BMAL2: variants seen among roughly 807,000 people sequenced by gnomAD.
BMAL2 encodes the protein basic helix-loop-helix ARNT like 2.
chr12:27,403,225 A>G, the BMAL2 span, among the ~76,000 whole-genome samples: 1 of 152,236 alleles, frequency 6.6e-6, no homozygotes, highest in Non-Finnish European at 1.5e-5. Flanking sequence ...ACTGGAGTCA[A>G]GGGTTACTAG....
At chr12:27,411,200 T>TC in the BMAL2 span, among the ~76,000 whole-genome samples, 1 of 152,084 alleles carries the variant, frequency 6.6e-6, no homozygotes, top group Non-Finnish European at 1.5e-5. Flanking sequence ...CGATCATGGC[T>TC]CACTGCAGCC....
the BMAL2 span, chr12:27,402,490 A>G: frequency 6.9e-5 from 47 of 684,012 alleles, 1 homozygote; most frequent in South Asian, 9.9e-4. Flanking sequence ...TGGTGATACT[A>G]ACAATATGTG....
chr12:27,333,271 C>T, the BMAL2 span: 10 of 656,044 alleles, frequency 1.5e-5, no homozygotes, highest in Admixed American at 4.9e-5. Context: ...ACAAGGCCGC[C>T]CCGTGGGGCA....
the BMAL2 span, chr12:27,418,236 C>T: frequency 7.6e-7 from 1 of 1,324,068 alleles, no homozygotes; most frequent in Non-Finnish European, 1.1e-6. Flanking sequence ...TTTCGTTTAT[C>T]AAAACCCCCC....
At chr12:27,361,020 A>G in the BMAL2 span, among the ~76,000 whole-genome samples, 1 of 152,166 alleles carries the variant, frequency 6.6e-6, no homozygotes, top group Non-Finnish European at 1.5e-5. Flanking sequence ...ATAGCACACT[A>G]TTGGCTACGA....
the BMAL2 span, chr12:27,401,395 G>A: frequency 1.3e-6 from 2 of 1,578,002 alleles, no homozygotes; most frequent in African/African-American, 1.3e-5. Context: ...TACATTTTGG[G>A]GAATTTAAAA....
At chr12:27,357,372 C>A in the BMAL2 span, among the ~76,000 whole-genome samples, 1 of 152,168 alleles carries the variant, frequency 6.6e-6, no homozygotes, top group African/African-American at 2.4e-5. Flanking sequence ...ATAAATGACA[C>A]TGACAAATGG....
the BMAL2 span, among the ~76,000 whole-genome samples, chr12:27,413,916 A>G: frequency 5.3e-5 from 8 of 152,260 alleles, no homozygotes; most frequent in East Asian, 1.5e-3. Context: ...CACCGGTAGT[A>G]CCAGCCATTT....
At chr12:27,370,084 C>G in the BMAL2 span, 1 of 1,447,210 alleles carries the variant, frequency 6.9e-7, no homozygotes, top group East Asian at 2.3e-5. Context: ...TGTCCATTCC[C>G]AGAACATCTG....
chr12:27,347,837 C>T, the BMAL2 span, among the ~76,000 whole-genome samples: 2 of 152,148 alleles, frequency 1.3e-5, no homozygotes, highest in African/African-American at 4.8e-5. Context: ...TTTAAGGCAA[C>T]CTTTAGTACA....
chr12:27,415,898 C>G, the BMAL2 span: 1 of 1,607,868 alleles, frequency 6.2e-7, no homozygotes, highest in South Asian at 1.1e-5. Context: ...CTTGATGATT[C>G]GAGTCCAACA....
At chr12:27,349,081 G>A in the BMAL2 span, among the ~76,000 whole-genome samples, 1 of 152,146 alleles carries the variant, frequency 6.6e-6, no homozygotes, top group Non-Finnish European at 1.5e-5. Context: ...TCCAGGCGAG[G>A]AGAATCAGAG....
At chr12:27,412,696 A>AAC in the BMAL2 span, among the ~76,000 whole-genome samples, 2,802 of 149,968 alleles carry the variant, frequency 0.019, 30 homozygotes, top group Non-Finnish European at 0.021. Context: ...TTAAAAACAA[A>AAC]ACACACACAC....
chr12:27,404,168 G>A, the BMAL2 span, among the ~76,000 whole-genome samples: 3 of 123,818 alleles, frequency 2.4e-5, no homozygotes, highest in Non-Finnish European at 4.8e-5. Flanking sequence ...CTAGGCAAAA[G>A]AGCAAGACCC....
the BMAL2 span, chr12:27,420,490 G>C: frequency 6.2e-7 from 1 of 1,612,930 alleles, no homozygotes; most frequent in Non-Finnish European, 8.5e-7. Context: ...AGGGGGGCCT[G>C]GGAGACCCTG....
the BMAL2 span, among the ~76,000 whole-genome samples, chr12:27,375,814 A>G: frequency 1.3e-5 from 2 of 152,238 alleles, no homozygotes; most frequent in Non-Finnish European, 2.9e-5. Context: ...TTCTGATGCT[A>G]GGAACTATAC....
chr12:27,401,266 G>A, the BMAL2 span: 60 of 1,613,632 alleles, frequency 3.7e-5, no homozygotes, highest in Admixed American at 4.8e-4. Flanking sequence ...GGGCAACAGC[G>A]ATTTTAGGAT....
chr12:27,390,199 C>A, the BMAL2 span: 1 of 1,613,780 alleles, frequency 6.2e-7, no homozygotes, highest in Non-Finnish European at 8.5e-7. Context: ...AAATCTCTGT[C>A]AAAGAAGAGC....
At chr12:27,413,752 C>T in the BMAL2 span, among the ~76,000 whole-genome samples, 1 of 152,142 alleles carries the variant, frequency 6.6e-6, no homozygotes, top group Non-Finnish European at 1.5e-5. Context: ...CAACCAGTGA[C>T]TCAATTTAGT....
Sources: allele counts gnomAD v4.1 joint callset (sites outside exome capture counted in the v4.1 genomes callset), GRCh38; gene constraint gnomAD v4.1.1; transcripts MANE v1.5; gene names NCBI Gene and HGNC (gene_info 2026-07-23, HGNC 2026-07-21).